The following MMP14 variants were observed in gnomAD, a reference collection of about 807,000 sequenced individuals.
MMP14 encodes matrix metalloproteinase-14.
In MMP14, 13 loss-of-function variants were observed where a neutral mutation model predicts 64.8. The ratio of observed to expected loss-of-function variants is 0.20; its 90% CI spans 0.13 to 0.32. The LOEUF is 0.32. Among genes scored for constraint, MMP14 ranks in the 10% least tolerant of loss-of-function variants. The pLI is 1.00. For missense variants in MMP14, 594 were observed against 783.8 expected (o/e 0.76, Z 2.89); for synonymous variants, 322 against 315.9 (o/e 1.02, Z -0.20).
Position 22,842,843 on chromosome 14 carries a change from T to TGCTTTTGTCAGAAGTTA in MMP14, c.688+127_688+128insCTTTTGTCAGAAGTTAG. 9.6e-7 allele frequency: 1 copy of TGCTTTTGTCAGAAGTTA among 1,038,948 alleles called. No homozygotes were observed. Among genetic ancestry groups the TGCTTTTGTCAGAAGTTA allele is most frequent in the Non-Finnish European group, 1.4e-6 (1 of 729,670 alleles). 64.4% of individuals were successfully genotyped at this position (1,038,948 alleles called of 1,614,324 possible). On this transcript the variant is annotated intron_variant, in intron 4 of 9. Coordinates refer to ENST00000311852, the MANE Select transcript of MMP14 (RefSeq NM_004995.4). The surrounding 1 kb of genome is among the most constrained non-coding windows in gnomAD (Gnocchi z 5.3). ...CACAGAGACCTTCTGATCTAACTTC[T>TGCTTTTGTCAGAAGTTA]GACAAAAGCAGGAGTCCTGTTTGAG...
At chr14:22,841,256 A>T (rs1441736239) in intron 1 of MMP14, among the ~76,000 whole-genome samples, 1 of 152,244 alleles carries the variant, frequency 6.6e-6, no homozygotes, top group Non-Finnish European at 1.5e-5. Flanking sequence ...AGAGAGCTAC[A>T]GCCAAAAGCC....
rs2039780484 is a variant in MMP14 at position 22,842,525 on chromosome 14, T to A, written c.496T>A (p.Tyr166Asn). Residue 166 changes from tyrosine to asparagine, a missense_variant, in exon 4 of 10, where the codon TAC (tyrosine) becomes AAC (asparagine). Physicochemically the swap from Tyr to Asn is moderately radical, Grantham distance 143 (BLOSUM62 -2). Around this residue, in one of 4 missense-constraint regions of MMP14, gnomAD observed 179 missense variants for 283.4 expected, o/e 0.63. Transcript: ENST00000311852. This position sits in a 1 kb window ranked among gnomAD's most constrained non-coding sequence, Gnocchi z 5.3. ...GCGCTTCCGCGAGGTGCCCTATGCCTACATCCGTGAGGGCCATGAGAAGCA... is the reference window on the plus strand; with the variant it reads ...GCGCTTCCGCGAGGTGCCCTATGCCAACATCCGTGAGGGCCATGAGAAGCA... ...PLRFREVPYA[Y>N]IREGHEKQAD... The A allele has an allele frequency of 1.2e-6, 2 of 1,614,098 alleles. No individual in the cohort carries two copies. Among genetic ancestry groups the A allele is most frequent in the East Asian group, 2.2e-5 (1 of 44,878 alleles).
chr14:22,843,782 A>G lies in MMP14; in HGVS notation c.923A>G (p.Lys308Arg). The change falls in exon 6 of 10, where the codon AAA becomes AGA. Residue 308 changes from lysine to arginine, a missense_variant. Lys to Arg is a conservative substitution (Grantham distance 26). Around this residue, in one of 4 missense-constraint regions of MMP14, gnomAD observed 364 missense variants for 425.2 expected, o/e 0.86. Coordinates refer to ENST00000311852, the MANE Select transcript of MMP14 (RefSeq NM_004995.4). The surrounding 1 kb of genome is among the most constrained non-coding windows in gnomAD (Gnocchi z 4.8). ...ACCTCCCGGCCTTCTGTTCCTGATA[A>G]ACCCAAAAACCCCACCTATGGGCCC... ...RTTSRPSVPD[K>R]PKNPTYGPNI... is the part of the protein sequence containing the mutation. The G allele has an allele frequency of 6.2e-7, 1 of 1,613,488 alleles. No individual in the cohort carries two copies.
chr14:22,841,926 C>T lies in MMP14; in HGVS notation c.271C>T (p.Pro91Ser), dbSNP rs2138740017. ...AACCCACTCCAGGGCCATGAGGCGC[C>T]CCCGATGTGGTGTTCCAGACAAGTT... ...DADTMKAMRR[P>S]RCGVPDKFGA... The change falls in exon 3 of 10, where the codon CCC becomes TCC. Residue 91 changes from proline (P) to serine (S), a missense_variant. By Grantham distance (74) the Pro-to-Ser change is moderately conservative (BLOSUM62 -1). Transcript: ENST00000311852. The T allele has an allele frequency of 6.2e-7, 1 of 1,614,222 alleles. No individual in the cohort carries two copies. Among genetic ancestry groups the T allele is most frequent in the Non-Finnish European group, 8.5e-7 (1 of 1,180,046 alleles).
In MMP14 at chr14:22,843,254, C is replaced by T. The variant is rs2039785873; in HGVS notation, c.689-3C>T. The T allele has an allele frequency of 1.2e-6, 2 of 1,612,722 alleles. No homozygotes were observed. Among genetic ancestry groups the T allele is most frequent in the African/African-American group, 1.3e-5 (1 of 75,028 alleles). On this transcript the variant is annotated splice_region_variant and splice_polypyrimidine_tract_variant and intron_variant, in intron 4 of 9. Transcript: ENST00000311852. This position sits in a 1 kb window ranked among gnomAD's most constrained non-coding sequence, Gnocchi z 4.8. ...GCTATCGTCACTGTCCCCATCCTTC[C>T]AGGAAATGACATCTTCCTGGTGGCT...
At chr14:22,839,962 CTT>C (rs577502772) in intron 1 of MMP14, among the ~76,000 whole-genome samples, 119 of 90,800 alleles carry the variant, frequency 1.3e-3, no homozygotes, top group African/African-American at 4.6e-3. Context: ...GCTTGTTTTA[CTT>C]TTTTTTTTTT....
At chr14:22,840,843 C>T (rs2138738471) in intron 1 of MMP14, among the ~76,000 whole-genome samples, 1 of 152,300 alleles carries the variant, frequency 6.6e-6, no homozygotes, top group African/African-American at 2.4e-5. Flanking sequence ...CTTTAGGTTC[C>T]AAGCCATAGG....
Position 22,844,526 on chromosome 14 carries a change from CTTTAG to C in MMP14, c.1150+19_1150+23del. On this transcript the variant is annotated intron_variant, in intron 7 of 9. Transcript: ENST00000311852. The stretch of plus-strand genomic sequence containing the variant: ...TCTTCAAAGGTAACCAGGCACTCCA[CTTTAG>C]TCTTTGGGAGTGAGGCGGGTCTCCC... 6.2e-7 allele frequency: 1 copy of C among 1,614,082 alleles called. No individual in the cohort carries two copies. The highest frequency in any genetic ancestry group is 8.5e-7 in the Non-Finnish European group (1 of 1,179,988).
intron 1 of MMP14, among the ~76,000 whole-genome samples, chr14:22,840,864 C>T (rs1295639983): frequency 1.3e-5 from 2 of 152,222 alleles, no homozygotes; most frequent in African/African-American, 4.8e-5. Context: ...TCAGATGCTG[C>T]TTGGATAAGG....
chr14:22,844,882 C>T lies in MMP14; in HGVS notation c.1301+102C>T, dbSNP rs2039801071. The T allele has an allele frequency of 3.3e-6, 5 of 1,493,732 alleles. No homozygotes were observed. The South Asian group carries it at 6.0e-5, about 18-fold the overall frequency. 92.5% of individuals were successfully genotyped at this position (1,493,732 alleles called of 1,614,324 possible). ...GACCCACTTTACCCCCAACATGCTT[C>T]CCTGGAGAAGGAGCTGGCTGAGCCT... On this transcript the variant is annotated intron_variant, in intron 8 of 9. Transcript: ENST00000311852.
intron 2 of MMP14, 36 bp downstream of exon 2, chr14:22,841,675 A>G (rs776044374): frequency 1.1e-5 from 18 of 1,611,846 alleles, no homozygotes; most frequent in Non-Finnish European, 1.7e-6. Context: ...TCTGCCTAGC[A>G]TCCACTGACA....
rs751752624 is a variant in MMP14, at chr14:22,845,279, G to A, written c.1330G>A (p.Ala444Thr). The change falls in exon 9 of 10, where the codon GCA becomes ACA. Residue 444 changes from alanine to threonine, a missense_variant. By Grantham distance (58) the Ala-to-Thr change is moderately conservative. Around this residue, in one of 4 missense-constraint regions of MMP14, gnomAD observed 364 missense variants for 425.2 expected, o/e 0.86. Transcript: ENST00000311852. ...CTACCGTTTCAACGAAGAGCTCAGG[G>A]CAGTGGATAGCGAGTACCCCAAGAA... ...KYYRFNEELR[A>T]VDSEYPKNIK... The A allele has an allele frequency of 5.6e-6, 9 of 1,613,662 alleles. No individual in the cohort carries two copies. The highest frequency in any genetic ancestry group is 1.1e-5 in the South Asian group (1 of 90,988).
chr14:22,837,437 G>C (rs1339373396), intron 1 of MMP14: 1 of 455,018 alleles, frequency 2.2e-6, no homozygotes, highest in South Asian at 1.6e-5. Flanking sequence ...TCTGCGGCCA[G>C]GTGGGGGTCG....
At chr14:22,845,076 C>T (rs2039802304) in intron 8 of MMP14, among the ~76,000 whole-genome samples, 175 bp from the exon 9 acceptor site, 1 of 152,118 alleles carries the variant, frequency 6.6e-6, no homozygotes, top group Non-Finnish European at 1.5e-5. Flanking sequence ...CAGCCTGGGC[C>T]CTCCCTTCCA....
In MMP14 at chr14:22,842,326, G is replaced by T. The variant is rs2039778713; in HGVS notation, c.381-84G>T. ...CAGAGGTGGCTGGGCCGCGCAGTCAGACCTGGGAGAGTGCAGGGAAGGAGA... is the reference window on the plus strand; with the variant it reads ...CAGAGGTGGCTGGGCCGCGCAGTCATACCTGGGAGAGTGCAGGGAAGGAGA... On this transcript the variant is annotated intron_variant, in intron 3 of 9. Coordinates refer to ENST00000311852, the MANE Select transcript of MMP14 (RefSeq NM_004995.4). This position sits in a 1 kb window ranked among gnomAD's most constrained non-coding sequence, Gnocchi z 5.3. The T allele has an allele frequency of 1.3e-6, 2 of 1,488,122 alleles. No individual in the cohort carries two copies. Among genetic ancestry groups the T allele is most frequent in the African/African-American group, 1.4e-5 (1 of 72,338 alleles). 92.2% of individuals were successfully genotyped at this position (1,488,122 alleles called of 1,614,324 possible).
rs2039782965 is a variant in MMP14 at position 22,842,812 on chromosome 14, A to G, written c.688+95A>G. The stretch of plus-strand genomic sequence containing the variant: ...CTCCTTCCAAAATCTCCGGGCTAGA[A>G]GGGACCACAGAGACCTTCTGATCTA... On this transcript the variant is annotated intron_variant, in intron 4 of 9. Coordinates refer to ENST00000311852, the MANE Select transcript of MMP14 (RefSeq NM_004995.4). This position sits in a 1 kb window ranked among gnomAD's most constrained non-coding sequence, Gnocchi z 5.3. The G allele has an allele frequency of 5.3e-6, 7 of 1,314,998 alleles. No homozygotes were observed. In the Admixed American group the frequency reaches 1.7e-4, roughly 32 times the overall value. The allele number at this position is 1,314,998 out of a possible 1,614,324, so 81.5% of individuals were successfully genotyped here. A position where few individuals can be genotyped will look rare whatever the true frequency, so the allele number is the denominator to read the frequency against.
chr14:22,842,368 T>A lies in MMP14; in HGVS notation c.381-42T>A. Reference sequence around the variant, plus strand: ...GGAAGGAGAATGTTGCCCCTCTTTATCCTAACACACCCCATCCTCTCCCCA... The same window carrying A: ...GGAAGGAGAATGTTGCCCCTCTTTAACCTAACACACCCCATCCTCTCCCCA... On this transcript the variant is annotated intron_variant, in intron 3 of 9. Transcript: ENST00000311852. The surrounding 1 kb of genome is among the most constrained non-coding windows in gnomAD (Gnocchi z 5.3). 6.3e-7 allele frequency: 1 copy of A among 1,577,082 alleles called. No individual in the cohort carries two copies. The highest frequency in any genetic ancestry group is 2.2e-5 in the East Asian group (1 of 44,568).
intron 1 of MMP14, chr14:22,837,553 C>T (rs1404320698): frequency 2.8e-6 from 1 of 360,438 alleles, no homozygotes; most frequent in Non-Finnish European, 5.5e-6. Context: ...CGCCGGCGCG[C>T]TGGCCGCGTT....
chr14:22,838,371 G>A (rs2039750031), intron 1 of MMP14, among the ~76,000 whole-genome samples: 1 of 152,088 alleles, frequency 6.6e-6, no homozygotes, highest in Non-Finnish European at 1.5e-5. Context: ...CCCTGGCTCC[G>A]TTTTAATTGG....
Sources: gnomAD v4.1 joint callset for allele counts (sites outside exome capture counted in the v4.1 genomes callset) on GRCh38, gnomAD v4.1.1 for gene constraint, gnomAD v4.1.1 regional missense constraint, Gnocchi (gnomAD v3.1) non-coding constraint, MANE v1.5 for transcripts, NCBI Gene and HGNC (gene_info 2026-07-23, HGNC 2026-07-21) for gene names.